The following PLA2G6 variants were observed in gnomAD, a reference collection of about 807,000 sequenced individuals.
PLA2G6 encodes the protein phospholipase A2 group VI.
A neutral mutation model predicts 83.8 loss-of-function variants in PLA2G6; 62 were observed. The observed-to-expected ratio is 0.74, with a 90% CI of 0.60 to 0.91. The LOEUF (loss-of-function observed/expected upper bound fraction) is 0.91, where lower values mean the gene tolerates loss of function less well. Ranked by LOEUF, PLA2G6 falls within the 40% of genes least tolerant of loss-of-function variation. The pLI is 0.00. For synonymous variants in PLA2G6, 417 were observed against 449.8 expected, an observed-to-expected ratio of 0.93 and a Z score of 0.92; for missense variants, 944 against 1,102.0, an observed-to-expected ratio of 0.86 and a Z score of 2.03.
chr22:38,155,436 C>T (rs1404319947), intron 2 of PLA2G6, among the ~76,000 whole-genome samples: 1 of 152,144 alleles, frequency 6.6e-6, no homozygotes, highest in African/African-American at 2.4e-5. Context: ...CCACTCATAT[C>T]TTGAGTAGAA....
At chr22:38,113,200 C>T (rs1002274401) in intron 15 of PLA2G6, among the ~76,000 whole-genome samples, 4 of 152,194 alleles carry the variant, frequency 2.6e-5, no homozygotes, top group African/African-American at 7.2e-5. Flanking sequence ...GCGCCCAGCC[C>T]GCTCTGGAGC....
chr22:38,164,754 C>T (rs941541897), intron 2 of PLA2G6, among the ~76,000 whole-genome samples: 35 of 152,292 alleles, frequency 2.3e-4, no homozygotes, highest in African/African-American at 8.2e-4. Flanking sequence ...CTCTAACACG[C>T]GTCAAGTACT....
At chr22:38,154,386 C>T in intron 2 of PLA2G6, among the ~76,000 whole-genome samples, 1 of 152,202 alleles carries the variant, frequency 6.6e-6, no homozygotes, top group South Asian at 2.1e-4. Context: ...CTCCTAGCTC[C>T]AGGCGGCCCA....
At chr22:38,115,932 G>T in intron 13 of PLA2G6, 143 bp downstream of exon 13, 1 of 1,469,426 alleles carries the variant, frequency 6.8e-7, no homozygotes, top group Non-Finnish European at 9.3e-7. Flanking sequence ...CGCAATCCCT[G>T]TCCTCAGCCA....
intron 2 of PLA2G6, chr22:38,148,328 C>G: frequency 3.5e-6 from 2 of 578,880 alleles, no homozygotes; most frequent in South Asian, 2.0e-5. Flanking sequence ...CATTTGAATG[C>G]TGACGGGAAC....
intron 10 of PLA2G6, among the ~76,000 whole-genome samples, chr22:38,124,580 C>T (rs1330509558): frequency 2.0e-5 from 3 of 152,164 alleles, no homozygotes; most frequent in African/African-American, 7.2e-5. Flanking sequence ...CCATCGAGAC[C>T]CTCCCTCACA....
At chr22:38,140,192 T>G in intron 4 of PLA2G6, 23 bp from the exon 5 acceptor site, 1 of 1,610,596 alleles carries the variant, frequency 6.2e-7, no homozygotes, top group Non-Finnish European at 8.5e-7. Flanking sequence ...GAAGGGAAGT[T>G]TGACTCCATA....
intron 3 of PLA2G6, 164 bp downstream of exon 3, chr22:38,145,274 C>T: frequency 1.4e-6 from 1 of 696,162 alleles, no homozygotes; most frequent in Non-Finnish European, 2.6e-6. Context: ...AGTGATCCTC[C>T]CTCCTCAGCC....
chr22:38,143,503 G>A lies in PLA2G6; in HGVS notation c.426-215C>T, dbSNP rs111284059. The stretch of plus-strand genomic sequence containing the variant: ...AGGTTTCTGTTCAGTTTGCTCACTC[G>A]TACAAGAGATGGGCCCCAGGGCCAC... On this transcript the variant is annotated intron_variant, in intron 3 of 16. Coordinates refer to ENST00000332509, the MANE Select transcript of PLA2G6 (RefSeq NM_003560.4). The A allele has an allele frequency of 1.2e-4, 74 of 641,110 alleles. 1 individual carries two copies. Among genetic ancestry groups the A allele is most frequent in the African/African-American group, 8.5e-4 (48 of 56,332 alleles). The allele number at this position is 641,110 out of a possible 1,614,324, so 39.7% of individuals were successfully genotyped here. A position where few individuals can be genotyped will look rare whatever the true frequency, so the allele number is the denominator to read the frequency against.
At chr22:38,153,344 G>A (rs760249778) in intron 2 of PLA2G6, among the ~76,000 whole-genome samples, 1 of 152,178 alleles carries the variant, frequency 6.6e-6, no homozygotes, top group South Asian at 2.1e-4. Context: ...CCCGGCCCCC[G>A]CCCTGTCTGG....
chr22:38,168,711 G>A (rs1226081969), intron 2 of PLA2G6, among the ~76,000 whole-genome samples: 3 of 152,162 alleles, frequency 2.0e-5, no homozygotes, highest in East Asian at 1.9e-4. Context: ...TCAGCTGGGC[G>A]TGGTGGTGGG....
rs968625975 is a variant in PLA2G6 at position 38,128,535 on chromosome 22, CAGGCCCT to C, written c.1187-112_1187-106del. On this transcript the variant is annotated intron_variant, in intron 8 of 16. Coordinates refer to ENST00000332509, the MANE Select transcript of PLA2G6 (RefSeq NM_003560.4). The surrounding 1 kb of genome is among the most constrained non-coding windows in gnomAD (Gnocchi z 4.4). ...ACACTCCGTCCCCTGTCCCAGCTCC[CAGGCCCT>C]GGGCACGTGGGCTGCTCCAGAGGCC... 69 of 1,309,072 alleles carry C rather than the reference CAGGCCCT, an allele frequency of 5.3e-5. No homozygotes were observed. The Middle Eastern group carries it at 1.1e-3, about 22-fold the overall frequency. The allele number at this position is 1,309,072 out of a possible 1,614,324, so 81.1% of individuals were successfully genotyped here.
chr22:38,133,336 T>A (rs1372402076), intron 6 of PLA2G6: 3 of 430,094 alleles, frequency 7.0e-6, no homozygotes, highest in Non-Finnish European at 1.3e-5. Flanking sequence ...CCCCGCTCCC[T>A]GCATCCCTCC....
chr22:38,115,247 G>A (rs997384689), intron 14 of PLA2G6, among the ~76,000 whole-genome samples: 1 of 152,176 alleles, frequency 6.6e-6, no homozygotes, highest in Admixed American at 6.5e-5. Context: ...CCTGTCCCCA[G>A]GCTGGCTCGA....
chr22:38,167,432 G>A (rs1343232618), intron 2 of PLA2G6, among the ~76,000 whole-genome samples: 18 of 152,120 alleles, frequency 1.2e-4, no homozygotes, highest in Admixed American at 2.6e-4. Context: ...TTATTGGTAC[G>A]TGGAGATTAG....
intron 9 of PLA2G6, 197 bp from the exon 10 acceptor site, chr22:38,126,646 A>T (rs2087878341): frequency 6.5e-6 from 4 of 612,092 alleles, no homozygotes; most frequent in Non-Finnish European, 1.2e-5. Flanking sequence ...CACAGGAGAG[A>T]AATGGGCTGG....
chr22:38,112,809 G>A (rs1035016823), intron 15 of PLA2G6: 1 of 598,228 alleles, frequency 1.7e-6, no homozygotes, highest in African/African-American at 1.9e-5. Context: ...CCCTTTCAGG[G>A]ATGATGAGTG....
intron 2 of PLA2G6, chr22:38,147,538 CTTTTTTTTTTTT>C (rs35795447): frequency 8.0e-6 from 1 of 124,942 alleles, no homozygotes; most frequent in East Asian, 2.3e-4. Context: ...CTCCTGAAGC[CTTTTTTTTTTTT>C]TTTTTTTTGA....
Position 38,132,817 on chromosome 22 carries a change from G to T in PLA2G6, c.1077+14C>A. The T allele has an allele frequency of 6.5e-7, 1 of 1,539,718 alleles. No individual in the cohort carries two copies. On this transcript the variant is annotated intron_variant, in intron 7 of 16. Coordinates refer to ENST00000332509, the MANE Select transcript of PLA2G6 (RefSeq NM_003560.4). This position sits in a 1 kb window ranked among gnomAD's most constrained non-coding sequence, Gnocchi z 5.0. Reference sequence around the variant, plus strand: ...CGGGGCCCCACAGGGCAGGACACGCGGTCCTGGGCTCACCGACATGGCCAG... The same window carrying T: ...CGGGGCCCCACAGGGCAGGACACGCTGTCCTGGGCTCACCGACATGGCCAG...
Sources: gnomAD v4.1 joint callset for allele counts (sites outside exome capture counted in the v4.1 genomes callset) on GRCh38, gnomAD v4.1.1 for gene constraint, Gnocchi (gnomAD v3.1) non-coding constraint, MANE v1.5 for transcripts, NCBI Gene and HGNC (gene_info 2026-07-23, HGNC 2026-07-21) for gene names.